The following EFNA5 variants were observed in gnomAD, a reference collection of about 807,000 sequenced individuals.
The protein encoded by EFNA5 is ephrin A5, also known as ephrin-A5.
A neutral mutation model predicts 22.9 loss-of-function variants in EFNA5; 5 were observed. That is an observed-to-expected ratio of 0.22 (90% CI 0.11 to 0.46). EFNA5 has a LOEUF of 0.46. EFNA5 is among the 20% of genes least tolerant of loss of function. The probability of loss-of-function intolerance (pLI) is 0.99; values close to 1 mark genes in which losing one functional copy is unlikely to be tolerated. For missense variants in EFNA5, 237 were observed against 293.3 expected, an observed-to-expected ratio of 0.81 and a Z score of 1.40; for synonymous variants, 113 against 112.2, an observed-to-expected ratio of 1.01 and a Z score of -0.04.
rs557886239 is a variant in EFNA5, at chr5:107,513,742, C to G, written c.126-86233G>C. On this transcript the variant is annotated intron_variant, in intron 1 of 4. Coordinates refer to ENST00000333274, the MANE Select transcript of EFNA5 (RefSeq NM_001962.3). ...GCTGGTGGTATCCGTCCATTAAAAA[C>G]AGGCTCTTCACTGAGATACTGGGCT... Among the ~76,000 whole-genome samples, 3 of 152,108 alleles carry G rather than the reference C, an allele frequency of 2.0e-5. No individual in the cohort carries two copies. In the East Asian group the frequency reaches 5.8e-4, roughly 29 times the overall value.
chr5:107,424,539 T>A (rs967168078), intron 2 of EFNA5, among the ~76,000 whole-genome samples: 1 of 151,860 alleles, frequency 6.6e-6, no homozygotes, highest in Non-Finnish European at 1.5e-5. Context: ...CTAGGGAAAG[T>A]AAGAAGAGAT....
intron 1 of EFNA5, among the ~76,000 whole-genome samples, chr5:107,607,887 C>A (rs1034090622): frequency 6.6e-6 from 1 of 152,118 alleles, no homozygotes; most frequent in African/African-American, 2.4e-5. Context: ...TCCTCCTCCC[C>A]CTAACACTTC....
chr5:107,517,658 T>C (rs570689629), intron 1 of EFNA5, among the ~76,000 whole-genome samples: 1 of 152,348 alleles, frequency 6.6e-6, no homozygotes, highest in South Asian at 2.1e-4. Flanking sequence ...CGCTGCATTA[T>C]GTCTGAATCA....
chr5:107,549,697 C>A (rs1748243204), intron 1 of EFNA5, among the ~76,000 whole-genome samples: 1 of 152,258 alleles, frequency 6.6e-6, no homozygotes, highest in Non-Finnish European at 1.5e-5. Flanking sequence ...GGGAGAAGGG[C>A]CAGTCCTCTG....
chr5:107,493,770 C>T (rs951982519), intron 1 of EFNA5, among the ~76,000 whole-genome samples: 1 of 152,130 alleles, frequency 6.6e-6, no homozygotes, highest in Non-Finnish European at 1.5e-5. Context: ...GTATATTTTG[C>T]CTTCAGAGTA....
intron 2 of EFNA5, among the ~76,000 whole-genome samples, chr5:107,408,862 G>A (rs1748291067): frequency 1.3e-5 from 2 of 152,030 alleles, no homozygotes; most frequent in African/African-American, 4.8e-5. Context: ...AAGAAGATAT[G>A]CAGTCCCTGC....
In EFNA5 at chr5:107,442,103, G is replaced by C. The variant is rs1256334310; in HGVS notation, c.126-14594C>G. On this transcript the variant is annotated intron_variant, in intron 1 of 4. Transcript: ENST00000333274. ...CTGGCTTTGTATCCTAGACACTACT[G>C]ATGTTCACTAGTCTTAACCTACAGT... Among the ~76,000 whole-genome samples, 3 of 152,014 alleles carry C rather than the reference G, an allele frequency of 2.0e-5. No individual in the cohort carries two copies. In the East Asian group the frequency reaches 5.8e-4, roughly 29 times the overall value.
At chr5:107,661,455 A>C (rs913892803) in intron 1 of EFNA5, among the ~76,000 whole-genome samples, 1 of 152,218 alleles carries the variant, frequency 6.6e-6, no homozygotes, top group African/African-American at 2.4e-5. Flanking sequence ...CAGTCACTTC[A>C]AAAACGCATC....
chr5:107,572,241 A>C (rs1748829405), intron 1 of EFNA5, among the ~76,000 whole-genome samples: 1 of 151,942 alleles, frequency 6.6e-6, no homozygotes, highest in South Asian at 2.1e-4. Flanking sequence ...TGCGCCAGAC[A>C]GCCCTCGGAG....
At chr5:107,617,293 A>G (rs1360244018) in intron 1 of EFNA5, among the ~76,000 whole-genome samples, 1 of 151,986 alleles carries the variant, frequency 6.6e-6, no homozygotes, top group African/African-American at 2.4e-5. Flanking sequence ...GTCTCCAAAT[A>G]CAGGAGAAAA....
At chr5:107,528,709 C>A (rs141506880) in intron 1 of EFNA5, among the ~76,000 whole-genome samples, 51 of 152,274 alleles carry the variant, frequency 3.3e-4, no homozygotes, top group African/African-American at 1.2e-3. Context: ...TTTAACATTT[C>A]TCTCAGTGAT....
At chr5:107,572,268 G>C (rs560645481) in intron 1 of EFNA5, among the ~76,000 whole-genome samples, 69 of 152,138 alleles carry the variant, frequency 4.5e-4, no homozygotes, top group Non-Finnish European at 9.1e-4. Context: ...GGTTTAGACC[G>C]GGGGAAGGAG....
At chr5:107,547,914 A>G (rs953347385) in intron 1 of EFNA5, among the ~76,000 whole-genome samples, 1 of 152,216 alleles carries the variant, frequency 6.6e-6, no homozygotes, top group African/African-American at 2.4e-5. Flanking sequence ...ATAAACAAAA[A>G]TCATACCCTA....
intron 1 of EFNA5, among the ~76,000 whole-genome samples, chr5:107,546,044 G>A (rs1329673863): frequency 2.6e-5 from 4 of 152,152 alleles, no homozygotes; most frequent in African/African-American, 9.6e-5. Flanking sequence ...TTGGAAAAAT[G>A]GGGTTTCAGT....
intron 1 of EFNA5, among the ~76,000 whole-genome samples, chr5:107,462,253 G>A (rs1749853625): frequency 6.6e-6 from 1 of 152,046 alleles, no homozygotes; most frequent in South Asian, 2.1e-4. Context: ...GAGGTTTGCT[G>A]AAGAAAAGAA....
chr5:107,557,379 A>C (rs1404730263), intron 1 of EFNA5, among the ~76,000 whole-genome samples: 1 of 151,168 alleles, frequency 6.6e-6, no homozygotes, highest in Non-Finnish European at 1.5e-5. Flanking sequence ...CGAGAGAGGG[A>C]AGCCTGGAGG....
At chr5:107,622,071 T>G (rs1459955147) in intron 1 of EFNA5, among the ~76,000 whole-genome samples, 1 of 151,816 alleles carries the variant, frequency 6.6e-6, no homozygotes, top group South Asian at 2.1e-4. Context: ...ATTTTATAGG[T>G]TATTTCCCCT....
chr5:107,594,813 C>G (rs1749441921), intron 1 of EFNA5, among the ~76,000 whole-genome samples: 1 of 152,174 alleles, frequency 6.6e-6, no homozygotes. Context: ...AATTACAACA[C>G]CCAGGAATGA....
intron 1 of EFNA5, among the ~76,000 whole-genome samples, chr5:107,541,497 C>T (rs1748047837): frequency 6.6e-6 from 1 of 152,054 alleles, no homozygotes; most frequent in South Asian, 2.1e-4. Context: ...GAAGAAATAA[C>T]ATAAAATAAA....
Sources: gnomAD v4.1 joint callset for allele counts (sites outside exome capture counted in the v4.1 genomes callset) on GRCh38, gnomAD v4.1.1 for gene constraint, MANE v1.5 for transcripts, NCBI Gene and HGNC (gene_info 2026-07-23, HGNC 2026-07-21) for gene names.